Variants in CCDC66 observed in about 807,000 individuals in gnomAD.
CCDC66 encodes coiled-coil domain containing 66.
CCDC66 carries 133 observed loss-of-function variants against 128.3 expected under a neutral mutation model. The ratio of observed to expected loss-of-function variants is 1.04; its 90% CI spans 0.90 to 1.20. The LOEUF is 1.20. Ranked by LOEUF, CCDC66 falls within the 50% of genes most tolerant of loss-of-function variation. The pLI, the probability that CCDC66 is intolerant of heterozygous loss-of-function variation, is 0.00. For synonymous variants in CCDC66, 387 were observed against 357.0 expected (o/e 1.08, Z -0.95); for missense variants, 1,126 against 1,075.5 (o/e 1.05, Z -0.66).
intron 3 of CCDC66, among the ~76,000 whole-genome samples, chr3:56,562,646 G>T (rs955536701): frequency 4.0e-5 from 6 of 151,770 alleles, no homozygotes; most frequent in South Asian, 2.1e-4. Context: ...TATATATTTT[G>T]TTTGTTTTAG....
At chr3:56,561,137 T>A (rs1304518200) in intron 3 of CCDC66, 2 of 447,614 alleles carry the variant, frequency 4.5e-6, no homozygotes, top group African/African-American at 2.0e-5. Context: ...TTCCTACCCC[T>A]TTCCCTATTA....
chr3:56,578,762 A>G (rs183416900), intron 7 of CCDC66, among the ~76,000 whole-genome samples: 5 of 151,988 alleles, frequency 3.3e-5, no homozygotes, highest in South Asian at 2.1e-4. Context: ...TAAGAAGCCA[A>G]CTTGATCATG....
intron 10 of CCDC66, among the ~76,000 whole-genome samples, chr3:56,612,192 T>G (rs1338321762): frequency 1.3e-5 from 2 of 152,270 alleles, no homozygotes; most frequent in African/African-American, 4.8e-5. Context: ...TTGAATTTGC[T>G]TTCATATCTA....
At chr3:56,557,316 C>T (rs1680293217) in intron 1 of CCDC66, 63 bp downstream of exon 1, 8 of 1,541,242 alleles carry the variant, frequency 5.2e-6, no homozygotes, top group Non-Finnish European at 7.0e-6. Flanking sequence ...GAGAGGGAGG[C>T]ATGTGTGTCT....
At chr3:56,613,939 C>G (rs984980189) in intron 11 of CCDC66, among the ~76,000 whole-genome samples, 189 bp downstream of exon 11, 3 of 152,114 alleles carry the variant, frequency 2.0e-5, no homozygotes, top group African/African-American at 7.2e-5. Flanking sequence ...ACCAACACAT[C>G]TGGCTAATTT....
At chr3:56,621,456 A>C in intron 17 of CCDC66, 76 bp from the exon 18 acceptor site, 1 of 999,920 alleles carries the variant, frequency 1.0e-6, no homozygotes, top group Non-Finnish European at 1.5e-6. Flanking sequence ...CCAAGTGAAT[A>C]TAATTCTAGT....
chr3:56,571,298 C>T lies in CCDC66; in HGVS notation c.932C>T (p.Ser311Phe), dbSNP rs368619960. Residue 311 changes from serine (S) to phenylalanine (F), a missense_variant, in exon 7 of 18, where the codon TCT (serine) becomes TTT (phenylalanine). Ser to Phe is a radical substitution (Grantham distance 155). Transcript: ENST00000394672. ...IWEKHQILDQ[S>F]RETVLLEHPF... ...GAAAAACATCAAATTCTTGACCAAT[C>T]TAGGGTAAGACATCTTAATTGCAAT... 1 of 1,508,766 alleles carries T rather than the reference C, an allele frequency of 6.6e-7. No homozygotes were observed. The highest frequency in any genetic ancestry group is 1.4e-5 in the African/African-American group (1 of 70,546). The allele number at this position is 1,508,766 out of a possible 1,614,324, so 93.5% of individuals were successfully genotyped here.
intron 10 of CCDC66, 43 bp from the exon 11 acceptor site, chr3:56,613,546 A>T (rs753036253): frequency 5.6e-6 from 9 of 1,593,088 alleles, no homozygotes; most frequent in Non-Finnish European, 7.7e-6. Flanking sequence ...TCCTGCTTAG[A>T]TTTTTATTTT....
chr3:56,587,236 A>T (rs529286283), intron 7 of CCDC66, among the ~76,000 whole-genome samples: 1 of 152,098 alleles, frequency 6.6e-6, no homozygotes, highest in African/African-American at 2.4e-5. Flanking sequence ...TTAATAATTT[A>T]TTAGGCTATA....
intron 17 of CCDC66, chr3:56,620,443 CCTTG>C (rs1218293260): frequency 2.6e-5 from 4 of 152,400 alleles, no homozygotes; most frequent in African/African-American, 9.7e-5. Flanking sequence ...TTGCTCCATC[CCTTG>C]GGCTTTAAAA....
chr3:56,586,857 G>A lies in CCDC66; in HGVS notation c.937-6113G>A, dbSNP rs73081849. Among the ~76,000 whole-genome samples, 676 of 151,862 alleles carry A rather than the reference G, an allele frequency of 4.5e-3. 5 individuals carry two copies. Among genetic ancestry groups the A allele is most frequent in the Middle Eastern group, 0.014 (4 of 294 alleles). On this transcript the variant is annotated intron_variant, in intron 7 of 17. Coordinates refer to ENST00000394672, the MANE Select transcript of CCDC66 (RefSeq NM_001141947.3). ...CTTGAGCCAAGAGTTTGAGACCAGC[G>A]TGGGCAACATAGTGAGACCCTGCCT...
chr3:56,557,611 G>A, intron 1 of CCDC66: 1 of 287,162 alleles, frequency 3.5e-6, no homozygotes. Context: ...CCTGGCCCAT[G>A]CCCCGGGTTC....
intron 7 of CCDC66, among the ~76,000 whole-genome samples, 161 bp from the exon 8 acceptor site, chr3:56,592,809 A>G (rs1167075217): frequency 2.0e-5 from 3 of 152,188 alleles, no homozygotes; most frequent in Admixed American, 6.5e-5. Context: ...GAATATATCT[A>G]CTTAATTCTT....
intron 7 of CCDC66, among the ~76,000 whole-genome samples, chr3:56,573,151 G>T (rs1037295184): frequency 6.6e-6 from 1 of 152,112 alleles, no homozygotes; most frequent in African/African-American, 2.4e-5. Flanking sequence ...TTCTTAATTT[G>T]CATGGCTTTT....
rs375442772 is a variant in CCDC66, at chr3:56,621,528, T to G, written c.2761-4T>G. 1 of 1,580,076 alleles carries G rather than the reference T, an allele frequency of 6.3e-7. No individual in the cohort carries two copies. On this transcript the variant is annotated splice_polypyrimidine_tract_variant and splice_region_variant and intron_variant, in intron 17 of 17. Transcript: ENST00000394672. ...CTAACAAACATATATCAATGTGATTTCAGGGCCTTCTCCAGAAGCAAAAGG... is the reference window on the plus strand; with the variant it reads ...CTAACAAACATATATCAATGTGATTGCAGGGCCTTCTCCAGAAGCAAAAGG...
intron 7 of CCDC66, 144 bp from the exon 8 acceptor site, chr3:56,592,826 C>A: frequency 1.4e-6 from 1 of 722,294 alleles, no homozygotes; most frequent in Non-Finnish European, 2.3e-6. Flanking sequence ...TCTTTGAATT[C>A]AAATTCGTTT....
intron 10 of CCDC66, among the ~76,000 whole-genome samples, chr3:56,608,013 T>A (rs2074299802): frequency 3.3e-5 from 5 of 152,184 alleles, no homozygotes; most frequent in Admixed American, 3.3e-4. Context: ...ATCTTTTTGA[T>A]ATGTTGTTAG....
At chr3:56,587,126 CT>C (rs2106827648) in intron 7 of CCDC66, among the ~76,000 whole-genome samples, 1 of 151,818 alleles carries the variant, frequency 6.6e-6, no homozygotes, top group South Asian at 2.1e-4. Flanking sequence ...ATTTCAAGTC[CT>C]AAGAATTGGA....
chr3:56,590,164 C>T (rs1205663381), intron 7 of CCDC66, among the ~76,000 whole-genome samples: 6 of 152,100 alleles, frequency 3.9e-5, no homozygotes, highest in African/African-American at 1.4e-4. Context: ...CATGAACTGG[C>T]AAGAAGGGCT....
Sources: allele counts gnomAD v4.1 joint callset (sites outside exome capture counted in the v4.1 genomes callset), GRCh38; gene constraint gnomAD v4.1.1; transcripts MANE v1.5; gene names NCBI Gene and HGNC (gene_info 2026-07-23, HGNC 2026-07-21).